Variants in ADARB2 observed in about 807,000 individuals in gnomAD.
ADARB2 encodes the protein adenosine deaminase RNA specific B2 (inactive).
Under a neutral mutation model 62.2 loss-of-function variants are expected in ADARB2, and 25 were observed. That is an observed-to-expected ratio of 0.40 (90% CI 0.29 to 0.56). The LOEUF is 0.56. Among genes scored for constraint, ADARB2 ranks in the 20% least tolerant of loss-of-function variants. ADARB2 has a pLI of 0.43. For missense variants in ADARB2, 1,071 were observed against 1,077.4 expected (o/e 0.99, Z 0.08); for synonymous variants, 572 against 500.8 (o/e 1.14, Z -1.90).
chr10:1,370,672 GAAAC>G (rs1832361958), intron 2 of ADARB2, among the ~76,000 whole-genome samples: 1 of 152,106 alleles, frequency 6.6e-6, no homozygotes, highest in African/African-American at 2.4e-5. Flanking sequence ...TTTAAGCTGA[GAAAC>G]AAATCAAGAA....
At chr10:1,551,544 C>T (rs1231987344) in intron 1 of ADARB2, among the ~76,000 whole-genome samples, 1 of 152,192 alleles carries the variant, frequency 6.6e-6, no homozygotes, top group African/African-American at 2.4e-5. Context: ...CTCTGCCCGC[C>T]CTTCCTGCCA....
At chr10:1,235,242 C>T (rs1830854515) in intron 5 of ADARB2, among the ~76,000 whole-genome samples, 1 of 140,902 alleles carries the variant, frequency 7.1e-6, no homozygotes, top group Admixed American at 7.4e-5. Flanking sequence ...AAGGCCTGGG[C>T]TCCGTCACCA....
At chr10:1,633,445 T>C (rs796551049) in intron 1 of ADARB2, among the ~76,000 whole-genome samples, 112 of 152,252 alleles carry the variant, frequency 7.4e-4, no homozygotes, top group African/African-American at 2.6e-3. Context: ...AACTGATGAG[T>C]GTATTGAAAA....
intron 3 of ADARB2, chr10:1,292,115 C>T (rs1564248211): frequency 6.6e-6 from 1 of 152,316 alleles, no homozygotes; most frequent in African/African-American, 2.4e-5. Context: ...CTTGTCTGCA[C>T]TGGGTGTTTC....
Position 1,387,643 on chromosome 10 carries a change from G to C in ADARB2, c.101-8483C>G, listed in dbSNP as rs2805512. On this transcript the variant is annotated intron_variant, in intron 1 of 9. Coordinates refer to ENST00000381312, the MANE Select transcript of ADARB2 (RefSeq NM_018702.4). Reference sequence around the variant, plus strand: ...ACCTCACATGTAAACTAGGCTCAGAGAGCTCCCTCTGGTGAACTGCAAGAA... The same window carrying C: ...ACCTCACATGTAAACTAGGCTCAGACAGCTCCCTCTGGTGAACTGCAAGAA... Among the ~76,000 whole-genome samples the C allele has an allele frequency of 2.0e-5, 3 of 152,034 alleles. No individual in the cohort carries two copies. In the South Asian group the frequency reaches 6.2e-4, roughly 31 times the overall value.
intron 1 of ADARB2, among the ~76,000 whole-genome samples, chr10:1,404,932 A>G (rs1287443596): frequency 1.3e-5 from 2 of 152,240 alleles, no homozygotes; most frequent in African/African-American, 4.8e-5. Flanking sequence ...AAGGACACGC[A>G]GCTTGTTAAA....
chr10:1,458,466 A>G (rs1194751018), intron 1 of ADARB2, among the ~76,000 whole-genome samples: 2 of 152,214 alleles, frequency 1.3e-5, no homozygotes, highest in African/African-American at 4.8e-5. Context: ...ATTGATCACT[A>G]AAAACAATGA....
chr10:1,506,999 G>C (rs920720695), intron 1 of ADARB2, among the ~76,000 whole-genome samples: 5 of 152,204 alleles, frequency 3.3e-5, no homozygotes, highest in Non-Finnish European at 5.9e-5. Flanking sequence ...TCTGCTGCCT[G>C]GACAGTGGGC....
chr10:1,298,269 A>G (rs746203750), intron 3 of ADARB2, among the ~76,000 whole-genome samples: 1 of 152,188 alleles, frequency 6.6e-6, no homozygotes, highest in African/African-American at 2.4e-5. Flanking sequence ...GTTTCTCACA[A>G]TGGCTTTGTA....
At chr10:1,402,978 A>C (rs1237082281) in intron 1 of ADARB2, among the ~76,000 whole-genome samples, 1 of 152,184 alleles carries the variant, frequency 6.6e-6, no homozygotes, top group Admixed American at 6.5e-5. Context: ...TTGTTCCGTG[A>C]GGGGCACAGG....
chr10:1,196,758 TTTTC>T (rs749560352), intron 8 of ADARB2, among the ~76,000 whole-genome samples: 12 of 152,218 alleles, frequency 7.9e-5, no homozygotes, highest in Non-Finnish European at 1.6e-4. Flanking sequence ...TTAGGATTTC[TTTTC>T]TTTCTTTCTT....
chr10:1,461,437 G>A (rs1285570818), intron 1 of ADARB2, among the ~76,000 whole-genome samples: 1 of 152,086 alleles, frequency 6.6e-6, no homozygotes, highest in Non-Finnish European at 1.5e-5. Context: ...TCATTGACTT[G>A]GATGACTTAT....
chr10:1,558,040 A>G (rs932865010), intron 1 of ADARB2, among the ~76,000 whole-genome samples: 17 of 152,178 alleles, frequency 1.1e-4, no homozygotes, highest in African/African-American at 4.1e-4. Context: ...CCTCAGTGGC[A>G]TCACCCCAGG....
chr10:1,550,266 C>T (rs1268844708), intron 1 of ADARB2, among the ~76,000 whole-genome samples: 2 of 152,158 alleles, frequency 1.3e-5, no homozygotes, highest in Non-Finnish European at 2.9e-5. Context: ...TTTTAAGCAC[C>T]TCCTTGTTGC....
At position 1,382,650 on chromosome 10, in the gene ADARB2, G is replaced by T. The variant is rs1297462878; in HGVS notation, c.101-3490C>A. Among the ~76,000 whole-genome samples the T allele has an allele frequency of 2.7e-5, 4 of 150,652 alleles. No homozygotes were observed. The East Asian group carries it at 7.8e-4, about 29-fold the overall frequency. ...TTCGATTTTTTGCATGTTTCTCATT[G>T]TCATCTTTTGGAAATCTGGTTTTAC... On this transcript the variant is annotated intron_variant, in intron 1 of 9. Coordinates refer to ENST00000381312, the MANE Select transcript of ADARB2 (RefSeq NM_018702.4).
chr10:1,711,908 T>C (rs1834952643), intron 1 of ADARB2, among the ~76,000 whole-genome samples: 1 of 152,178 alleles, frequency 6.6e-6, no homozygotes, highest in African/African-American at 2.4e-5. Context: ...CTCTGAACCA[T>C]GCTATCAAGC....
At chr10:1,212,004 G>A (rs1017961963) in intron 7 of ADARB2, among the ~76,000 whole-genome samples, 8 of 152,254 alleles carry the variant, frequency 5.3e-5, no homozygotes, top group African/African-American at 1.7e-4. Context: ...TGCATCCTGC[G>A]CCGGGCATGG....
chr10:1,517,783 C>T (rs1040285541), intron 1 of ADARB2, among the ~76,000 whole-genome samples: 3 of 152,106 alleles, frequency 2.0e-5, no homozygotes, highest in Non-Finnish European at 4.4e-5. Flanking sequence ...ATTTTGTCTT[C>T]GGTCGTATGA....
chr10:1,627,794 T>C (rs1021692225), intron 1 of ADARB2, among the ~76,000 whole-genome samples: 3 of 152,216 alleles, frequency 2.0e-5, no homozygotes, highest in Non-Finnish European at 2.9e-5. Flanking sequence ...CATTCTCTAA[T>C]ATACAAAATC....
Sources: gnomAD v4.1 joint callset for allele counts (sites outside exome capture counted in the v4.1 genomes callset) on GRCh38, gnomAD v4.1.1 for gene constraint, MANE v1.5 for transcripts, NCBI Gene and HGNC (gene_info 2026-07-23, HGNC 2026-07-21) for gene names.